Variants in PRRX1 observed in about 807,000 individuals in gnomAD.
PRRX1 encodes paired related homeobox 1.
Under a neutral mutation model 24.0 loss-of-function variants are expected in PRRX1, and 8 were observed. The observed-to-expected ratio is 0.33, with a 90% CI of 0.20 to 0.60. The LOEUF (loss-of-function observed/expected upper bound fraction) is 0.60, where lower values mean the gene tolerates loss of function less well. PRRX1 is among the 20% of genes least tolerant of loss of function. The pLI, the probability that PRRX1 is intolerant of heterozygous loss-of-function variation, is 0.82. For synonymous variants in PRRX1, 160 were observed against 131.7 expected, an observed-to-expected ratio of 1.22 and a Z score of -1.47; for missense variants, 281 against 322.4, an observed-to-expected ratio of 0.87 and a Z score of 0.98.
intron 1 of PRRX1, among the ~76,000 whole-genome samples, chr1:170,713,955 C>T (rs1372740373): frequency 6.6e-6 from 1 of 152,096 alleles, no homozygotes. Context: ...TTGATACGTG[C>T]TGGGAGTCAA....
At chr1:170,668,602 T>G (rs1192014063) in intron 1 of PRRX1, 1 of 152,210 alleles carries the variant, frequency 6.6e-6, no homozygotes, top group Non-Finnish European at 1.5e-5. Context: ...AGGAATTGCT[T>G]GCCCAATCTA....
chr1:170,664,106 T>TCTCTCTCTCTCTCTCA, upstream of PRRX1: 1 of 1,085,774 alleles, frequency 9.2e-7, no homozygotes, highest in Non-Finnish European at 1.3e-6. Context: ...TCTCTCTCTC[T>TCTCTCTCTCTCTCTCA]CCACTACCCC....
Position 170,728,265 on chromosome 1 carries a change from T to C in PRRX1, c.599+1864T>C, listed in dbSNP as rs926123608. On this transcript the variant is annotated intron_variant, in intron 3 of 3. Transcript: ENST00000239461. ...GACCTCAGCCATTTGAGCCTCAGTG[T>C]CTGCATCATATGTGTTTAGTATATG... The C allele has an allele frequency of 7.9e-5, 12 of 152,216 alleles. No homozygotes were observed. In the South Asian group the frequency reaches 8.3e-4, roughly 11 times the overall value. The allele number at this position is 152,216 out of a possible 1,614,324, so 9.4% of individuals were successfully genotyped here.
chr1:170,716,664 A>G (rs1248137956), intron 1 of PRRX1, among the ~76,000 whole-genome samples: 1 of 152,244 alleles, frequency 6.6e-6, no homozygotes, highest in East Asian at 1.9e-4. Flanking sequence ...AGAATGCCAA[A>G]GAATGAGATG....
intron 2 of PRRX1, among the ~76,000 whole-genome samples, chr1:170,720,393 C>T (rs1278994439): frequency 6.6e-6 from 1 of 152,174 alleles, no homozygotes; most frequent in African/African-American, 2.4e-5. Context: ...CTGTTTCCAG[C>T]TGTGTTTCTT....
At chr1:170,684,324 CT>C (rs1304500970) in intron 1 of PRRX1, among the ~76,000 whole-genome samples, 1 of 152,166 alleles carries the variant, frequency 6.6e-6, no homozygotes, top group Non-Finnish European at 1.5e-5. Flanking sequence ...CAGATCTTTT[CT>C]TGTAGTTTCT....
chr1:170,665,455 C>T (rs1652887683), intron 1 of PRRX1, among the ~76,000 whole-genome samples: 4 of 152,224 alleles, frequency 2.6e-5, no homozygotes, highest in Admixed American at 2.0e-4. Context: ...TGTACAGATA[C>T]TCCCTCTTCT....
In PRRX1 at chr1:170,736,503, A is replaced by T; in HGVS notation, c.*317A>T. ...TAGGTTCAGCCCACCCACCCCCATG[A>T]TTGTATGAAGTTTTAAAAAAAACTA... On this transcript the variant is annotated 3_prime_UTR_variant, in exon 4 of 4. Coordinates refer to ENST00000239461, the MANE Select transcript of PRRX1 (RefSeq NM_022716.4). The T allele has an allele frequency of 5.2e-6, 2 of 381,456 alleles. No homozygotes were observed. The allele number at this position is 381,456 out of a possible 1,614,324, so 23.6% of individuals were successfully genotyped here.
At chr1:170,682,504 C>A (rs1321599391) in intron 1 of PRRX1, among the ~76,000 whole-genome samples, 3 of 152,088 alleles carry the variant, frequency 2.0e-5, no homozygotes, top group Admixed American at 6.6e-5. Flanking sequence ...GCACCCCATG[C>A]CCCCATCTCC....
chr1:170,666,822 C>T (rs1652952043), intron 1 of PRRX1, among the ~76,000 whole-genome samples: 1 of 152,092 alleles, frequency 6.6e-6, no homozygotes, highest in African/African-American at 2.4e-5. Flanking sequence ...CGGGATTCGT[C>T]GTGGCCTTAG....
At chr1:170,691,170 TG>T (rs935573849) in intron 1 of PRRX1, among the ~76,000 whole-genome samples, 6 of 152,046 alleles carry the variant, frequency 3.9e-5, no homozygotes, top group Non-Finnish European at 8.8e-5. Flanking sequence ...ACCTGGAAAA[TG>T]GTTGTGCAAA....
At chr1:170,700,268 T>C (rs1433965222) in intron 1 of PRRX1, among the ~76,000 whole-genome samples, 2 of 152,146 alleles carry the variant, frequency 1.3e-5, no homozygotes, top group Non-Finnish European at 2.9e-5. Flanking sequence ...AGGTGAAATG[T>C]TGGCAGGTGG....
At chr1:170,721,865 G>C (rs1423014025) in intron 2 of PRRX1, among the ~76,000 whole-genome samples, 2 of 151,956 alleles carry the variant, frequency 1.3e-5, no homozygotes, top group African/African-American at 2.4e-5. Context: ...GCTTGCGGTG[G>C]TGTAATGAAT....
Position 170,738,806 on chromosome 1 carries a change from C to T in PRRX1, c.*2620C>T, listed in dbSNP as rs558332122. 44 of 228,684 alleles carry T rather than the reference C, an allele frequency of 1.9e-4. No individual in the cohort carries two copies. Among genetic ancestry groups the T allele is most frequent in the African/African-American group, 9.5e-4 (43 of 45,154 alleles). 14.2% of individuals were successfully genotyped at this position (228,684 alleles called of 1,614,324 possible). On this transcript the variant is annotated 3_prime_UTR_variant, in exon 4 of 4. Coordinates refer to ENST00000239461, the MANE Select transcript of PRRX1 (RefSeq NM_022716.4). ...CAGTGGCAAACAGCAAAGCCTGAAC[C>T]CATAAACCCAAATGATAGGTGAAGT...
In PRRX1 at chr1:170,689,676, T is replaced by C. The variant is rs76062095; in HGVS notation, c.241+25217T>C. 7.7e-3 allele frequency among the ~76,000 whole-genome samples: 1,167 copies of C among 152,200 alleles called. 14 individuals are homozygous for C. The highest frequency in any genetic ancestry group is 0.027 in the African/African-American group (1,106 of 41,534). On this transcript the variant is annotated intron_variant, in intron 1 of 3. Coordinates refer to ENST00000239461, the MANE Select transcript of PRRX1 (RefSeq NM_022716.4). ...CTTATCAGCTTTAAAAAAATCGTTT[T>C]CATTTTTTAGGTAGTTTTCTTGCTT... is the stretch of plus-strand genomic sequence containing the variant.
intron 1 of PRRX1, among the ~76,000 whole-genome samples, chr1:170,677,915 C>A (rs1281196993): frequency 6.6e-6 from 1 of 152,170 alleles, no homozygotes; most frequent in African/African-American, 2.4e-5. Context: ...GACTCTATGA[C>A]ATATGCTTGG....
At chr1:170,708,443 G>T (rs1193797743) in intron 1 of PRRX1, among the ~76,000 whole-genome samples, 1 of 152,106 alleles carries the variant, frequency 6.6e-6, no homozygotes, top group Non-Finnish European at 1.5e-5. Context: ...AGGCCGTAAT[G>T]TTCCTGTATA....
chr1:170,731,086 A>T (rs1558064099), intron 3 of PRRX1, among the ~76,000 whole-genome samples: 2 of 152,368 alleles, frequency 1.3e-5, no homozygotes, highest in Middle Eastern at 3.4e-3. Flanking sequence ...ATTTCAAAAC[A>T]GAAGTTAGAA....
intron 1 of PRRX1, among the ~76,000 whole-genome samples, chr1:170,671,089 A>G (rs1653126790): frequency 6.6e-6 from 1 of 152,176 alleles, no homozygotes; most frequent in Non-Finnish European, 1.5e-5. Flanking sequence ...TATTAATTTG[A>G]ATCCCCAAGA....
Sources: gnomAD v4.1 joint callset for allele counts (sites outside exome capture counted in the v4.1 genomes callset) on GRCh38, gnomAD v4.1.1 for gene constraint, MANE v1.5 for transcripts, NCBI Gene and HGNC (gene_info 2026-07-23, HGNC 2026-07-21) for gene names.